Variants in TBL1Y observed in about 807,000 individuals in gnomAD.
TBL1Y encodes the protein F-box-like/WD repeat-containing protein TBL1Y.
TBL1Y carries 15 observed loss-of-function variants against 12.0 expected under a neutral mutation model. The ratio of observed to expected loss-of-function variants is 1.25; its 90% CI spans 0.83 to 1.92. The LOEUF (loss-of-function observed/expected upper bound fraction) is 1.92. Among genes scored for constraint, TBL1Y ranks in the 40% most tolerant of loss-of-function variants. The pLI, the probability that TBL1Y is intolerant of heterozygous loss-of-function variation, is 0.00. For missense variants in TBL1Y, 148 were observed against 116.7 expected (o/e 1.27, Z -1.24); for synonymous variants, 53 against 42.6 (o/e 1.24, Z -0.95).
intron 3 of TBL1Y, among the ~76,000 whole-genome samples, chrY:6,990,942 ATGCAGAAATCTT>A (rs183021606): frequency 8.1e-4 from 27 of 33,178 alleles, no homozygotes; most frequent in African/African-American, 2.6e-3. Context: ...CCTTTTGACC[ATGCAGAAATCTT>A]TGCAGAAATC....
At chrY:7,070,101 C>A in intron 8 of TBL1Y, 95 bp from the exon 9 acceptor site, 1 of 264,745 alleles carries the variant, frequency 3.8e-6, no homozygotes, top group South Asian at 3.5e-5. Context: ...TTACTTAGTA[C>A]GTAAAAACAA....
chrY:7,001,673 A>G, intron 4 of TBL1Y, among the ~76,000 whole-genome samples: 1 of 34,036 alleles, frequency 2.9e-5, no homozygotes, highest in Non-Finnish European at 7.3e-5. Flanking sequence ...TGTTTCCTAG[A>G]TAAGTGTAGT....
chrY:7,087,149 A>G, intron 16 of TBL1Y, 118 bp from the exon 17 acceptor site: 2 of 43,038 alleles, frequency 4.6e-5, no homozygotes, highest in Non-Finnish European at 9.1e-5. Context: ...TTATATATGT[A>G]TGTTATATAT....
At chrY:6,961,534 A>C (rs2012126530) in intron 2 of TBL1Y, among the ~76,000 whole-genome samples, 1 of 32,821 alleles carries the variant, frequency 3.0e-5, no homozygotes, top group African/African-American at 1.2e-4. Flanking sequence ...CTGGTGAAAC[A>C]CAAGAAAAAC....
In TBL1Y at chrY:7,051,380, G is replaced by A. The variant is rs1603044198; in HGVS notation, c.204+8255G>A. Among the ~76,000 whole-genome samples, 3 of 32,349 alleles carry A rather than the reference G, an allele frequency of 9.3e-5. No individual in the cohort carries two copies. In the East Asian group the frequency reaches 2.4e-3, roughly 26 times the overall value. 86.8% of individuals were successfully genotyped at this position (32,349 alleles called of 37,273 possible). A position where few individuals can be genotyped will look rare whatever the true frequency, so the allele number is the denominator to read the frequency against. ...TAGCCAGGCAGGGTGGCAGGCACCT[G>A]TAATCCTAGCTACTCAAGAGGCTGA... On this transcript the variant is annotated intron_variant, in intron 7 of 18. Coordinates refer to ENST00000383032, the MANE Select transcript of TBL1Y (RefSeq NM_033284.2).
intron 2 of TBL1Y, among the ~76,000 whole-genome samples, chrY:6,942,465 C>T: frequency 3.1e-5 from 1 of 32,649 alleles, no homozygotes. Flanking sequence ...GACTAGAGGC[C>T]AGGGAGACTG....
chrY:6,982,995 C>A, intron 3 of TBL1Y, among the ~76,000 whole-genome samples: 1 of 33,220 alleles, frequency 3.0e-5, no homozygotes. Context: ...CCCACCACCC[C>A]CTGTTGGTGG....
At chrY:6,960,014 G>A in intron 2 of TBL1Y, among the ~76,000 whole-genome samples, 1 of 33,680 alleles carries the variant, frequency 3.0e-5, no homozygotes, top group East Asian at 7.9e-4. Context: ...TCCAGCAGCC[G>A]CAGCAGTAGC....
At chrY:7,063,151 C>T in intron 7 of TBL1Y, among the ~76,000 whole-genome samples, 1 of 33,540 alleles carries the variant, frequency 3.0e-5, no homozygotes, top group East Asian at 8.0e-4. Flanking sequence ...AGACAGTCCC[C>T]AGTGGGGAAA....
rs74454695 is a variant in TBL1Y at position 6,983,500 on chromosome Y, G to A, written c.-235+5257G>A. 0.018 allele frequency among the ~76,000 whole-genome samples: 586 copies of A among 33,150 alleles called. No homozygotes were observed. The East Asian group carries it at 0.46, about 26-fold the overall frequency. 88.9% of individuals were successfully genotyped at this position (33,150 alleles called of 37,273 possible). A position where few individuals can be genotyped will look rare whatever the true frequency, so the allele number is the denominator to read the frequency against. On this transcript the variant is annotated intron_variant, in intron 3 of 18. Coordinates refer to ENST00000383032, the MANE Select transcript of TBL1Y (RefSeq NM_033284.2). ...ACCCACAGCTTCTCTGTCATGATTC[G>A]TGGCTTCCAAAAACGTATTTTAGGT...
chrY:7,043,160 G>C, intron 7 of TBL1Y, 35 bp downstream of exon 7: 1 of 395,480 alleles, frequency 2.5e-6, no homozygotes. Flanking sequence ...CCAAACAGCA[G>C]AGCCCTGGGA....
chrY:7,086,922 T>C, intron 16 of TBL1Y, among the ~76,000 whole-genome samples: 1 of 25,486 alleles, frequency 3.9e-5, no homozygotes, highest in South Asian at 7.9e-4. Context: ...TTTATATATA[T>C]ATCTTATATA....
chrY:7,036,488 C>A (rs2012694348), intron 6 of TBL1Y, among the ~76,000 whole-genome samples: 1 of 33,594 alleles, frequency 3.0e-5, no homozygotes, highest in African/African-American at 1.2e-4. Context: ...ATGCTGGCTG[C>A]AGCTGTAATC....
chrY:6,995,521 G>A, intron 3 of TBL1Y, among the ~76,000 whole-genome samples: 1 of 33,741 alleles, frequency 3.0e-5, no homozygotes, highest in African/African-American at 1.2e-4. Context: ...ATAAACAGAA[G>A]CCTGTTTAGC....
intron 6 of TBL1Y, 176 bp from the exon 7 acceptor site, chrY:7,042,804 C>T: frequency 5.1e-6 from 1 of 197,106 alleles, no homozygotes; most frequent in Non-Finnish European, 6.2e-6. Context: ...TCTCCCCTTG[C>T]CCTTTTCCAC....
At chrY:6,912,025 C>T in intron 1 of TBL1Y, 63 bp from the exon 2 acceptor site, 1 of 34,234 alleles carries the variant, frequency 2.9e-5, no homozygotes, top group Non-Finnish European at 7.3e-5. Flanking sequence ...GAAACAAAAT[C>T]CCACCCTCTG....
At chrY:6,919,404 G>T in intron 2 of TBL1Y, 1 of 32,594 alleles carries the variant, frequency 3.1e-5, no homozygotes, top group South Asian at 7.2e-4. Context: ...CCCAAACATG[G>T]GGCACCTGCC....
intron 4 of TBL1Y, among the ~76,000 whole-genome samples, chrY:7,016,826 C>G: frequency 3.0e-5 from 1 of 33,664 alleles, no homozygotes; most frequent in South Asian, 6.8e-4. Context: ...ATTCTGTGCA[C>G]CTTTCATTCT....
chrY:7,043,169 G>A, intron 7 of TBL1Y, 44 bp downstream of exon 7: 1 of 392,218 alleles, frequency 2.5e-6, no homozygotes, highest in Non-Finnish European at 3.6e-6. Context: ...AGAGCCCTGG[G>A]AAGGTGCAAG....
Sources: gnomAD v4.1 joint callset for allele counts (sites outside exome capture counted in the v4.1 genomes callset) on GRCh38, gnomAD v4.1.1 for gene constraint, MANE v1.5 for transcripts, NCBI Gene and HGNC (gene_info 2026-07-23, HGNC 2026-07-21) for gene names.